The following SVIL variants were observed in gnomAD, a reference collection of about 807,000 sequenced individuals.
SVIL encodes supervillin.
Under a neutral mutation model 240.4 loss-of-function variants are expected in SVIL, and 101 were observed. The ratio of observed to expected loss-of-function variants is 0.42; its 90% CI spans 0.36 to 0.50. The LOEUF is 0.50. Among genes scored for constraint, SVIL ranks in the 20% least tolerant of loss-of-function variants. SVIL has a pLI of 0.01. For synonymous variants in SVIL, 999 were observed against 1,100.0 expected (o/e 0.91, Z 1.82); for missense variants, 2,512 against 2,818.7 (o/e 0.89, Z 2.46).
intron 2 of SVIL, among the ~76,000 whole-genome samples, chr10:29,667,219 C>T (rs1050431328): frequency 1.3e-5 from 2 of 152,040 alleles, no homozygotes; most frequent in African/African-American, 2.4e-5. Flanking sequence ...TTCATAATCA[C>T]TAAAATATGG....
Position 29,473,935 on chromosome 10 carries a change from C to T in SVIL, c.5432G>A (p.Cys1811Tyr), listed in dbSNP as rs1256387075. 25 of 1,614,102 alleles carry T rather than the reference C, an allele frequency of 1.5e-5. No homozygotes were observed. Among genetic ancestry groups the T allele is most frequent in the Non-Finnish European group, 2.1e-5 (25 of 1,180,016 alleles). ...HSVRAAGKEK[C>Y]VYFFWQGRHS... ...CCGGCCTTGCCAGAAGAAGTAGACGCACTTCTCTTTGCCGGCTGCCCTCAC... is the reference window on the plus strand; with the variant it reads ...CCGGCCTTGCCAGAAGAAGTAGACGTACTTCTCTTTGCCGGCTGCCCTCAC... The change falls in exon 30 of 38, where the codon TGC (cysteine) becomes TAC (tyrosine). Residue 1811 changes from cysteine (C) to tyrosine (Y), a missense_variant. Cys to Tyr is a radical substitution (Grantham distance 194, BLOSUM62 -2). This residue lies in a region of SVIL where 797 missense variants were observed against 925.3 expected (regional missense o/e 0.86). Coordinates refer to ENST00000355867, the MANE Select transcript of SVIL (RefSeq NM_021738.3).
Position 29,465,578 on chromosome 10 carries a change from C to T in SVIL, c.6133+17G>A, listed in dbSNP as rs1409069930. Reference sequence around the variant, plus strand: ...TGCCTTCTACTGCTCAGCATAGCTGCCCCCTGCAGGCCTTACCTGGCTGGG... The same window carrying T: ...TGCCTTCTACTGCTCAGCATAGCTGTCCCCTGCAGGCCTTACCTGGCTGGG... On this transcript the variant is annotated intron_variant, in intron 34 of 37. Coordinates refer to ENST00000355867, the MANE Select transcript of SVIL (RefSeq NM_021738.3). 20 of 1,588,924 alleles carry T rather than the reference C, an allele frequency of 1.3e-5. No homozygotes were observed. The highest frequency in any genetic ancestry group is 1.7e-5 in the Non-Finnish European group (20 of 1,168,160).
In SVIL at chr10:29,535,976, G is replaced by A. The variant is rs745639811; in HGVS notation, c.908+13C>T. ...TCATGCACACAAGCCCCAGAGGGCC[G>A]GCGTGCGGGTACCTGGAAGGCCAGT... On this transcript the variant is annotated intron_variant, in intron 7 of 37. Transcript: ENST00000355867. The A allele has an allele frequency of 8.7e-6, 14 of 1,613,782 alleles. No homozygotes were observed. The highest frequency in any genetic ancestry group is 5.0e-5 in the Admixed American group (3 of 59,992).
Position 29,563,307 on chromosome 10 carries a change from A to G in SVIL, c.-142-15T>C. The G allele has an allele frequency of 4.1e-6, 4 of 979,922 alleles. No homozygotes were observed. The highest frequency in any genetic ancestry group is 4.9e-6 in the Non-Finnish European group (4 of 824,490). 60.7% of individuals were successfully genotyped at this position (979,922 alleles called of 1,614,324 possible). A position where few individuals can be genotyped will look rare whatever the true frequency, so the allele number is the denominator to read the frequency against. The stretch of plus-strand genomic sequence containing the variant: ...CCTTCTGAAAGCTAAAAATTACTCC[A>G]TTAATAAAGTTAAGTCCATTTAAAT... On this transcript the variant is annotated splice_polypyrimidine_tract_variant and intron_variant, in intron 2 of 37. Coordinates refer to ENST00000355867, the MANE Select transcript of SVIL (RefSeq NM_021738.3).
chr10:29,493,243 G>T lies in SVIL; in HGVS notation c.3990C>A (p.Phe1330Leu), dbSNP rs376322653. Residue 1330 changes from phenylalanine (F) to leucine (L), a missense_variant, in exon 21 of 38, where the codon TTC (phenylalanine) becomes TTA (leucine). Physicochemically the swap from Phe to Leu is conservative, Grantham distance 22. Coordinates refer to ENST00000355867, the MANE Select transcript of SVIL (RefSeq NM_021738.3). ...GTGCATAAGGATCGAAAATGACATC[G>T]AAGTCCTCATCCATCTCCACAGGAC... ...PRSPVEMDED[F>L]DVIFDPYAPK... 7 of 1,614,062 alleles carry T rather than the reference G, an allele frequency of 4.3e-6. No homozygotes were observed. Among genetic ancestry groups the T allele is most frequent in the Non-Finnish European group, 5.9e-6 (7 of 1,180,016 alleles).
chr10:29,697,175 C>G (rs1182992980), intron 1 of SVIL, among the ~76,000 whole-genome samples: 38 of 82,074 alleles, frequency 4.6e-4, no homozygotes, highest in Non-Finnish European at 6.3e-4. Context: ...GGCCAGCCGC[C>G]CCGTCCGGGA....
chr10:29,490,084 T>C lies in SVIL; in HGVS notation c.4192+763A>G, dbSNP rs150171046. Among the ~76,000 whole-genome samples, 66 of 152,252 alleles carry C rather than the reference T, an allele frequency of 4.3e-4. 1 individual carries two copies. The highest frequency in any genetic ancestry group is 6.9e-4 in the Non-Finnish European group (47 of 68,016). On this transcript the variant is annotated intron_variant, in intron 22 of 37. Coordinates refer to ENST00000355867, the MANE Select transcript of SVIL (RefSeq NM_021738.3). ...ACTGGGCAGATGAGAGCAGTGTGGC[T>C]CAGCCTACAGTGAGACTGAGAGTCT...
chr10:29,611,105 G>A (rs1371610096), intron 1 of SVIL, among the ~76,000 whole-genome samples: 2 of 152,022 alleles, frequency 1.3e-5, no homozygotes. Flanking sequence ...AACTCACTAA[G>A]TGCCTGAGAG....
At position 29,480,561 on chromosome 10, in the gene SVIL, A is replaced by C. The variant is rs765603736; in HGVS notation, c.5353T>G (p.Trp1785Gly). The C allele has an allele frequency of 1.6e-5, 26 of 1,613,292 alleles. No homozygotes were observed. The African/African-American group carries it at 2.9e-4, about 18-fold the overall frequency. ...CCTGCCGTGCTCACCATGAACTTCC[A>C]CTTGACCACATAGGCATCCCCCTCA... Reference protein sequence around the residue: ...FHEGDAYVVKWKFMVSTAVGS... With the variant: ...FHEGDAYVVKGKFMVSTAVGS... The change falls in exon 29 of 38, where the codon TGG becomes GGG. Residue 1785 changes from tryptophan (W) to glycine (G), a missense_variant. Physicochemically the swap from Trp to Gly is radical, Grantham distance 184 (BLOSUM62 -2). This residue lies in a region of SVIL where 797 missense variants were observed against 925.3 expected (regional missense o/e 0.86). Transcript: ENST00000355867.
At chr10:29,689,641 C>G (rs1316704283) in intron 1 of SVIL, among the ~76,000 whole-genome samples, 1 of 152,218 alleles carries the variant, frequency 6.6e-6, no homozygotes, top group Non-Finnish European at 1.5e-5. Context: ...TCAGGGAGCC[C>G]TTGTTATTGG....
intron 1 of SVIL, among the ~76,000 whole-genome samples, chr10:29,631,090 A>G (rs548185642): frequency 6.6e-6 from 1 of 152,130 alleles, no homozygotes; most frequent in Non-Finnish European, 1.5e-5. Flanking sequence ...CTCCTTTGAT[A>G]TTGCTTCCCT....
chr10:29,545,100 T>C (rs1952533169), intron 6 of SVIL: 2 of 534,318 alleles, frequency 3.7e-6, no homozygotes, highest in Non-Finnish European at 3.8e-6. Context: ...GATGCTCTCC[T>C]GCAGACACCT....
intron 20 of SVIL, among the ~76,000 whole-genome samples, chr10:29,494,401 C>T (rs1184802795): frequency 1.3e-5 from 2 of 152,168 alleles, no homozygotes; most frequent in East Asian, 1.9e-4. Context: ...GGACTCCCAG[C>T]GCCTAGTATT....
At position 29,594,922 on chromosome 10, in the gene SVIL, A is replaced by T. The variant is rs1956526499; in HGVS notation, c.-200-25610T>A. Among the ~76,000 whole-genome samples the T allele has an allele frequency of 2.0e-5, 3 of 152,368 alleles. 1 individual carries two copies. The South Asian group carries it at 6.2e-4, about 32-fold the overall frequency. Reference sequence around the variant, plus strand: ...TGAAACAAACACACCTCTGGGTTGTATAGTTCCCCAGCCCCTGCTGTGTTT... The same window carrying T: ...TGAAACAAACACACCTCTGGGTTGTTTAGTTCCCCAGCCCCTGCTGTGTTT... On this transcript the variant is annotated intron_variant, in intron 1 of 37. Coordinates refer to ENST00000355867, the MANE Select transcript of SVIL (RefSeq NM_021738.3).
intron 21 of SVIL, 122 bp downstream of exon 21, chr10:29,493,092 C>T: frequency 6.6e-6 from 8 of 1,211,998 alleles, no homozygotes; most frequent in South Asian, 1.6e-5. Context: ...AATACTAACG[C>T]CGCCGTGATG....
chr10:29,507,781 T>C (rs1949490297), intron 17 of SVIL: 3 of 985,242 alleles, frequency 3.0e-6, no homozygotes, highest in South Asian at 4.7e-5. Context: ...GCAGCAGGAA[T>C]AGCAGGAGAA....
At chr10:29,668,217 G>A (rs917775896) in intron 2 of SVIL, among the ~76,000 whole-genome samples, 47 of 152,196 alleles carry the variant, frequency 3.1e-4, no homozygotes, top group African/African-American at 1.1e-3. Context: ...CTGTAGCCTG[G>A]GCACCAGAGT....
intron 3 of SVIL, among the ~76,000 whole-genome samples, chr10:29,644,366 G>A (rs1958587206): frequency 6.6e-6 from 1 of 152,130 alleles, no homozygotes; most frequent in East Asian, 1.9e-4. Context: ...AGACACACAG[G>A]AGCGAGGAGC....
At chr10:29,474,845 G>A (rs1371239484) in intron 29 of SVIL, among the ~76,000 whole-genome samples, 1 of 152,308 alleles carries the variant, frequency 6.6e-6, no homozygotes, top group Non-Finnish European at 1.5e-5. Flanking sequence ...AAGTTTTCAA[G>A]TTCTGTCAGA....
Sources: gnomAD v4.1 joint callset for allele counts (sites outside exome capture counted in the v4.1 genomes callset) on GRCh38, gnomAD v4.1.1 for gene constraint, gnomAD v4.1.1 regional missense constraint, MANE v1.5 for transcripts, NCBI Gene and HGNC (gene_info 2026-07-23, HGNC 2026-07-21) for gene names.